Variants in EP300 observed in about 807,000 individuals in gnomAD.
The protein encoded by EP300 is histone acetyltransferase p300.
In EP300, 31 loss-of-function variants were observed where a neutral mutation model predicts 264.0. The observed-to-expected ratio is 0.12, with a 90% confidence interval of 0.09 to 0.16. EP300 has a LOEUF of 0.16. Ranked by LOEUF, EP300 falls within the 10% of genes least tolerant of loss-of-function variation. EP300 has a pLI of 1.00. For missense variants in EP300, 2,766 were observed against 3,052.9 expected (o/e 0.91, Z 2.21); for synonymous variants, 1,340 against 1,045.4 (o/e 1.28, Z -5.44).
chr22:41,132,286 CTTTTTT>C (rs532779902), intron 6 of EP300, among the ~76,000 whole-genome samples: 1 of 56,758 alleles, frequency 1.8e-5, no homozygotes, highest in East Asian at 5.2e-4. Flanking sequence ...TTCTTTCATT[CTTTTTT>C]TTTTTTTTTT....
At chr22:41,164,351 CATATAA>C (rs575555165) in intron 22 of EP300, among the ~76,000 whole-genome samples, 106 of 152,246 alleles carry the variant, frequency 7.0e-4, no homozygotes, top group African/African-American at 2.5e-3. Context: ...TCTTCTTAGC[CATATAA>C]ATATATTTTA....
chr22:41,171,791 T>G (rs1433456351), intron 27 of EP300, among the ~76,000 whole-genome samples: 1 of 151,970 alleles, frequency 6.6e-6, no homozygotes, highest in Non-Finnish European at 1.5e-5. Flanking sequence ...TTTTCTATTT[T>G]TAGTAGAGAC....
chr22:41,175,007 A>G (rs948211569), intron 29 of EP300, among the ~76,000 whole-genome samples: 23 of 151,604 alleles, frequency 1.5e-4, no homozygotes, highest in Admixed American at 9.2e-4. Context: ...GGTAATAACC[A>G]TTATCTCAGC....
intron 5 of EP300, among the ~76,000 whole-genome samples, 173 bp from the exon 6 acceptor site, chr22:41,131,215 A>G (rs891333638): frequency 1.3e-5 from 2 of 152,198 alleles, no homozygotes; most frequent in African/African-American, 4.8e-5. Context: ...CCCCTTTACC[A>G]ATCAGTTCTG....
intron 1 of EP300, among the ~76,000 whole-genome samples, chr22:41,110,117 G>GC (rs60023863): frequency 0.4 from 25,926 of 65,546 alleles, 6,685 homozygotes; most frequent in East Asian, 0.63. Context: ...CCTGTTCCCT[G>GC]CCCCCCCCCC....
At chr22:41,154,063 CATT>C (rs1364442985) in intron 16 of EP300, among the ~76,000 whole-genome samples, 1 of 152,174 alleles carries the variant, frequency 6.6e-6, no homozygotes, top group Non-Finnish European at 1.5e-5. Context: ...TGGGAAATAT[CATT>C]GAGAACACAT....
At chr22:41,140,886 C>G (rs981274239) in intron 9 of EP300, among the ~76,000 whole-genome samples, 162 bp from the exon 10 acceptor site, 1 of 152,180 alleles carries the variant, frequency 6.6e-6, no homozygotes, top group South Asian at 2.1e-4. Context: ...CACGGTAGTT[C>G]AGATTCTCTA....
At chr22:41,104,296 G>GTT (rs879841709) in intron 1 of EP300, among the ~76,000 whole-genome samples, 48 of 146,460 alleles carry the variant, frequency 3.3e-4, no homozygotes, top group African/African-American at 1.1e-3. Context: ...AGTTTTTTTG[G>GTT]TTTTTTTTTT....
At chr22:41,114,539 A>G (rs2058811128) in intron 1 of EP300, among the ~76,000 whole-genome samples, 1 of 152,200 alleles carries the variant, frequency 6.6e-6, no homozygotes, top group South Asian at 2.1e-4. Context: ...GTAATTCTGT[A>G]AAACTCTGGA....
chr22:41,160,192 G>C (rs2059099887), intron 19 of EP300: 2 of 207,232 alleles, frequency 9.7e-6, no homozygotes. Flanking sequence ...GAAAGGATAT[G>C]GGTCTGTGTA....
At chr22:41,174,456 G>C (rs187503268) in intron 29 of EP300, 3 of 152,302 alleles carry the variant, frequency 2.0e-5, no homozygotes, top group Admixed American at 1.3e-4. Flanking sequence ...TTAGTAAATA[G>C]AATTGGAGAA....
chr22:41,124,035 G>C (rs2145705091), intron 2 of EP300, among the ~76,000 whole-genome samples: 1 of 151,736 alleles, frequency 6.6e-6, no homozygotes, highest in East Asian at 2.0e-4. Context: ...ATCACTTGAG[G>C]TCAGGAGTTC....
intron 10 of EP300, among the ~76,000 whole-genome samples, chr22:41,141,704 T>G (rs535888417): frequency 5.7e-4 from 85 of 150,394 alleles, no homozygotes; most frequent in Non-Finnish European, 1.5e-4. Flanking sequence ...TGAGGCAGAG[T>G]CTCACTCCGT....
Position 41,177,433 on chromosome 22 carries a change from C to T in EP300, c.5722C>T (p.Pro1908Ser), listed in dbSNP as rs1315029784. 1 of 1,614,196 alleles carries T rather than the reference C, an allele frequency of 6.2e-7. No homozygotes were observed. Among genetic ancestry groups the T allele is most frequent in the South Asian group, 1.1e-5 (1 of 91,078 alleles). The change falls in exon 31 of 31, where the codon CCA becomes TCA. Residue 1908 changes from proline to serine, a missense_variant. Transcript: ENST00000263253. Reference protein sequence around the residue: ...QGKAAGQVTPPTPPQTAQPPL... With the variant: ...QGKAAGQVTPSTPPQTAQPPL... ...TAAGGCAGCAGGCCAGGTGACCCCT[C>T]CAACCCCTCCTCAGACTGCTCAGCC...
chr22:41,108,488 A>G (rs188686000), intron 1 of EP300, among the ~76,000 whole-genome samples: 111 of 151,812 alleles, frequency 7.3e-4, no homozygotes, highest in African/African-American at 2.0e-3. Flanking sequence ...CGTTCAAGCA[A>G]CCCTCCAGCC....
chr22:41,162,031 G>A (rs954476702), intron 20 of EP300, among the ~76,000 whole-genome samples: 1 of 152,160 alleles, frequency 6.6e-6, no homozygotes, highest in Non-Finnish European at 1.5e-5. Context: ...CCTTAAGGCA[G>A]TACATCTCTA....
At chr22:41,171,284 CT>C (rs1238941170) in intron 27 of EP300, among the ~76,000 whole-genome samples, 2 of 151,546 alleles carry the variant, frequency 1.3e-5, no homozygotes, top group African/African-American at 4.8e-5. Context: ...TAAAATATAT[CT>C]TTTTGTTTTG....
At chr22:41,101,436 G>T (rs1208468203) in intron 1 of EP300, among the ~76,000 whole-genome samples, 1 of 148,844 alleles carries the variant, frequency 6.7e-6, no homozygotes, top group East Asian at 2.0e-4. Flanking sequence ...TTTTGAGACG[G>T]AGTCTAGCTC....
intron 2 of EP300, among the ~76,000 whole-genome samples, chr22:41,118,772 A>G (rs2058835184): frequency 2.0e-5 from 3 of 149,964 alleles, no homozygotes; most frequent in East Asian, 2.0e-4. Context: ...ACCAGGTAGC[A>G]TTGACCCCAT....
Sources: allele counts gnomAD v4.1 joint callset (sites outside exome capture counted in the v4.1 genomes callset), GRCh38; gene constraint gnomAD v4.1.1; transcripts MANE v1.5; gene names NCBI Gene and HGNC (gene_info 2026-07-23, HGNC 2026-07-21).